ASAP2: variants seen among roughly 807,000 people sequenced by gnomAD.
ASAP2 encodes ArfGAP with SH3 domain, ankyrin repeat and PH domain 2, also known as arf-GAP with SH3 domain, ANK repeat and PH domain-containing protein 2.
A neutral mutation model predicts 131.4 loss-of-function variants in ASAP2; 45 were observed. That is an observed-to-expected ratio of 0.34 (90% CI 0.27 to 0.44). The LOEUF (loss-of-function observed/expected upper bound fraction) is 0.44, where lower values mean the gene tolerates loss of function less well. Among genes scored for constraint, ASAP2 ranks in the 20% least tolerant of loss-of-function variants. The pLI is 1.00. For synonymous variants in ASAP2, 510 were observed against 503.0 expected, an observed-to-expected ratio of 1.01 and a Z score of -0.19; for missense variants, 1,011 against 1,297.0, an observed-to-expected ratio of 0.78 and a Z score of 3.39.
chr2:9,326,927 T>G (rs2148527486), intron 6 of ASAP2, among the ~76,000 whole-genome samples: 2 of 152,306 alleles, frequency 1.3e-5, no homozygotes, highest in South Asian at 4.1e-4. Flanking sequence ...GGAGTAGAAT[T>G]TCTAGGTCAA....
At chr2:9,316,091 G>A (rs567990693) in intron 3 of ASAP2, among the ~76,000 whole-genome samples, 37 of 152,190 alleles carry the variant, frequency 2.4e-4, no homozygotes, top group African/African-American at 8.9e-4. Flanking sequence ...GGCCGAGGAG[G>A]GCAGATTGCT....
intron 20 of ASAP2, among the ~76,000 whole-genome samples, chr2:9,384,101 A>G (rs1194535723): frequency 6.6e-6 from 1 of 152,230 alleles, no homozygotes; most frequent in Non-Finnish European, 1.5e-5. Context: ...AACATGGCAC[A>G]TTTGTACGTA....
rs73157615 is a variant in ASAP2, at chr2:9,323,078, T to C, written c.471-43T>C. ...GCTTCAAGGCTGTCCCGTTGAGTTC[T>C]GTGCCAACAGGCATCTTGATGTATC... On this transcript the variant is annotated intron_variant, in intron 5 of 27. Transcript: ENST00000281419. 0.012 allele frequency: 20,152 copies of C among 1,612,500 alleles called. 1,139 individuals are homozygous for C. The African/African-American group carries it at 0.17, about 14-fold the overall frequency.
intron 16 of ASAP2, among the ~76,000 whole-genome samples, chr2:9,373,762 C>G (rs1341580063): frequency 6.6e-6 from 1 of 152,210 alleles, no homozygotes; most frequent in Non-Finnish European, 1.5e-5. Flanking sequence ...CAAATGGATG[C>G]AACTGATCTG....
intron 1 of ASAP2, among the ~76,000 whole-genome samples, chr2:9,226,237 T>G (rs1436024259): frequency 2.0e-5 from 3 of 152,222 alleles, no homozygotes; most frequent in Non-Finnish European, 4.4e-5. Flanking sequence ...TATCTCTACT[T>G]TTAAGGAACC....
At chr2:9,274,993 G>A (rs761496519) in intron 1 of ASAP2, among the ~76,000 whole-genome samples, 3 of 151,756 alleles carry the variant, frequency 2.0e-5, no homozygotes, top group Non-Finnish European at 2.9e-5. Context: ...GAGTTCAATT[G>A]TGTTATTAAG....
In ASAP2 at chr2:9,356,208, A is replaced by G; in HGVS notation, c.1190A>G (p.Glu397Gly). 6.2e-7 allele frequency: 1 copy of G among 1,614,092 alleles called. No homozygotes were observed. The highest frequency in any genetic ancestry group is 8.5e-7 in the Non-Finnish European group (1 of 1,179,946). Residue 397 changes from glutamate (E) to glycine (G), a missense_variant, in exon 14 of 28, where the codon GAA becomes GGA. Around this residue, in one of 2 missense-constraint regions of ASAP2, gnomAD observed 359 missense variants for 598.1 expected, o/e 0.60. Coordinates refer to ENST00000281419, the MANE Select transcript of ASAP2 (RefSeq NM_003887.3). ...ATGTCTGTGCTGCAAAATAGCAAAG[A>G]AGAAGCTTTAAACAATGCATTTAAG... ...IWMSVLQNSK[E>G]EALNNAFKGD... is the part of the protein sequence containing the mutation.
At chr2:9,352,507 C>T (rs1420445762) in intron 12 of ASAP2, among the ~76,000 whole-genome samples, 1 of 152,158 alleles carries the variant, frequency 6.6e-6, no homozygotes, top group Non-Finnish European at 1.5e-5. Flanking sequence ...CTGCCCTAGG[C>T]CCCTCCAGCA....
rs1389941964 is a variant in ASAP2 at position 9,392,837 on chromosome 2, CAA to C, written c.2519-644_2519-643del. ...CATTTAGAGAGGGCTTAATGCCTAT[CAA>C]GGGAGGAGAGACGGAGGAAGGAGAC... is the stretch of plus-strand genomic sequence containing the variant. On this transcript the variant is annotated intron_variant, in intron 23 of 27. Coordinates refer to ENST00000281419, the MANE Select transcript of ASAP2 (RefSeq NM_003887.3). The surrounding 1 kb of genome is among the most constrained non-coding windows in gnomAD (Gnocchi z 4.0). Among the ~76,000 whole-genome samples, 2 of 152,112 alleles carry C rather than the reference CAA, an allele frequency of 1.3e-5. No homozygotes were observed. Among genetic ancestry groups the C allele is most frequent in the African/African-American group, 4.8e-5 (2 of 41,426 alleles).
At chr2:9,251,179 C>T (rs528205778) in intron 1 of ASAP2, among the ~76,000 whole-genome samples, 3 of 152,292 alleles carry the variant, frequency 2.0e-5, no homozygotes, top group South Asian at 2.1e-4. Flanking sequence ...AAAGGAGGAA[C>T]GTGGCCAGAG....
intron 27 of ASAP2, among the ~76,000 whole-genome samples, chr2:9,401,797 A>AG (rs1558407891): frequency 6.6e-6 from 1 of 152,356 alleles, no homozygotes; most frequent in Admixed American, 6.5e-5. Context: ...GTGGCCGCCC[A>AG]GGCGTCCAGC....
chr2:9,223,507 A>G (rs896541289), intron 1 of ASAP2, among the ~76,000 whole-genome samples: 16 of 152,206 alleles, frequency 1.1e-4, no homozygotes, highest in African/African-American at 3.4e-4. Context: ...GGTGTAAATT[A>G]GGGAGTAACA....
chr2:9,215,812 G>C (rs367878784), intron 1 of ASAP2, among the ~76,000 whole-genome samples: 1 of 152,114 alleles, frequency 6.6e-6, no homozygotes, highest in Non-Finnish European at 1.5e-5. Flanking sequence ...GCCAGTGTTA[G>C]AATTATGAGG....
chr2:9,368,308 C>G, intron 15 of ASAP2, 117 bp from the exon 16 acceptor site: 1 of 939,744 alleles, frequency 1.1e-6, no homozygotes, highest in Non-Finnish European at 1.6e-6. Context: ...AGGCAAACCA[C>G]TTTATTGCTC....
intron 5 of ASAP2, among the ~76,000 whole-genome samples, chr2:9,320,981 T>C (rs1670114535): frequency 6.6e-6 from 1 of 152,036 alleles, no homozygotes; most frequent in Non-Finnish European, 1.5e-5. Flanking sequence ...ATCCCTAGAG[T>C]AGAGAGAGTC....
At chr2:9,224,289 C>A (rs1232997383) in intron 1 of ASAP2, among the ~76,000 whole-genome samples, 2 of 152,108 alleles carry the variant, frequency 1.3e-5, no homozygotes, top group Non-Finnish European at 2.9e-5. Flanking sequence ...ATCCAGAGAT[C>A]CCCCTGTTTG....
At chr2:9,236,653 T>TTTAAAAAATTAAAAA (rs1663572233) in intron 1 of ASAP2, among the ~76,000 whole-genome samples, 1 of 152,194 alleles carries the variant, frequency 6.6e-6, no homozygotes, top group South Asian at 2.1e-4. Context: ...TAAAAGCAAC[T>TTTAAAAAATTAAAAA]GTTATCTGTT....
intron 12 of ASAP2, among the ~76,000 whole-genome samples, chr2:9,351,982 G>A (rs1672363909): frequency 6.6e-6 from 1 of 152,178 alleles, no homozygotes; most frequent in African/African-American, 2.4e-5. Flanking sequence ...TCCTGACTCA[G>A]TCTAGTAAGG....
intron 1 of ASAP2, among the ~76,000 whole-genome samples, chr2:9,218,068 G>A (rs1457642241): frequency 6.6e-6 from 1 of 152,128 alleles, no homozygotes; most frequent in African/African-American, 2.4e-5. Context: ...ATGCCTCCAG[G>A]TTCCACATCC....
Sources: gnomAD v4.1 joint callset for allele counts (sites outside exome capture counted in the v4.1 genomes callset) on GRCh38, gnomAD v4.1.1 for gene constraint, gnomAD v4.1.1 regional missense constraint, Gnocchi (gnomAD v3.1) non-coding constraint, MANE v1.5 for transcripts, NCBI Gene and HGNC (gene_info 2026-07-23, HGNC 2026-07-21) for gene names.